HDAC5: variants seen among roughly 807,000 people sequenced by gnomAD.
HDAC5 encodes histone deacetylase 5, also known as antigen NY-CO-9.
A neutral mutation model predicts 133.3 loss-of-function variants in HDAC5; 25 were observed. The ratio of observed to expected loss-of-function variants is 0.19; its 90% CI spans 0.14 to 0.26. HDAC5 has a LOEUF of 0.26. Ranked by LOEUF, HDAC5 falls within the 10% of genes least tolerant of loss-of-function variation. The pLI is 1.00. For synonymous variants in HDAC5, 589 were observed against 610.8 expected (o/e 0.96, Z 0.53); for missense variants, 1,041 against 1,460.5 (o/e 0.71, Z 4.68).
chr17:44,111,343 A>T (rs2052331137), intron 2 of HDAC5: 2 of 327,612 alleles, frequency 6.1e-6, no homozygotes, highest in South Asian at 4.9e-5. Context: ...AGGAGGCCCC[A>T]TGGGGGGGGA....
chr17:44,118,214 G>A (rs369517671), intron 1 of HDAC5, among the ~76,000 whole-genome samples: 35 of 152,332 alleles, frequency 2.3e-4, no homozygotes, highest in African/African-American at 8.2e-4. Context: ...AAATATGGAT[G>A]TGCTTCTGTT....
At chr17:44,090,423 T>C (rs551074889) in intron 11 of HDAC5, among the ~76,000 whole-genome samples, 2 of 152,078 alleles carry the variant, frequency 1.3e-5, no homozygotes, top group South Asian at 4.2e-4. Context: ...TGCCCAGGCT[T>C]GGGTGCAATG....
intron 1 of HDAC5, among the ~76,000 whole-genome samples, chr17:44,119,624 C>G (rs2052862927): frequency 6.6e-6 from 1 of 152,230 alleles, no homozygotes; most frequent in South Asian, 2.1e-4. Flanking sequence ...GCCCTGTCCA[C>G]CTGTAAAGAG....
intron 1 of HDAC5, chr17:44,120,647 C>T (rs544784920): frequency 6.6e-6 from 1 of 151,750 alleles, no homozygotes; most frequent in Non-Finnish European, 1.5e-5. Flanking sequence ...GAGGCTGAGG[C>T]AGGAGAATCA....
At chr17:44,097,162 G>C (rs776996022) in intron 3 of HDAC5, among the ~76,000 whole-genome samples, 20 of 152,286 alleles carry the variant, frequency 1.3e-4, no homozygotes, top group Middle Eastern at 3.2e-3. Context: ...CAAGGCAGGA[G>C]CAAGGCCTGC....
In HDAC5 at chr17:44,091,259, T is replaced by A. The variant is rs1224339159; in HGVS notation, c.1387+11A>T. On this transcript the variant is annotated intron_variant, in intron 11 of 26. Coordinates refer to ENST00000682912, the MANE Select transcript of HDAC5 (RefSeq NM_005474.5). The stretch of plus-strand genomic sequence containing the variant: ...TAGCCCCCTCCCTTGCACAGCTACC[T>A]GTCCACTCACCAGCAATGAGGGTGC... The A allele has an allele frequency of 6.2e-7, 1 of 1,603,378 alleles. No homozygotes were observed. Among genetic ancestry groups the A allele is most frequent in the Non-Finnish European group, 8.5e-7 (1 of 1,174,636 alleles).
chr17:44,113,123 A>G (rs2052440723), intron 2 of HDAC5, among the ~76,000 whole-genome samples: 2 of 152,176 alleles, frequency 1.3e-5, no homozygotes. Context: ...AGGGCTGGCT[A>G]GCCCTGTCCC....
chr17:44,110,111 G>C (rs1057380339), intron 3 of HDAC5, among the ~76,000 whole-genome samples: 5 of 152,254 alleles, frequency 3.3e-5, no homozygotes, highest in African/African-American at 1.2e-4. Context: ...GACCTGGGGA[G>C]AGGAGCGCCA....
chr17:44,093,548 G>A, intron 4 of HDAC5, 27 bp downstream of exon 4: 1 of 1,598,614 alleles, frequency 6.3e-7, no homozygotes, highest in Non-Finnish European at 8.5e-7. Flanking sequence ...GGAGGTCTGG[G>A]CGGCCCCCCG....
intron 3 of HDAC5, among the ~76,000 whole-genome samples, chr17:44,109,196 G>A (rs1035452598): frequency 2.6e-5 from 4 of 152,218 alleles, no homozygotes; most frequent in Non-Finnish European, 4.4e-5. Flanking sequence ...GCCAGATGGC[G>A]TGGAGCTGTC....
chr17:44,107,948 G>GT (rs1264200697), intron 3 of HDAC5, among the ~76,000 whole-genome samples: 1 of 152,142 alleles, frequency 6.6e-6, no homozygotes, highest in African/African-American at 2.4e-5. Flanking sequence ...GCTCCACCCA[G>GT]TACAAGACAA....
At chr17:44,099,875 G>A (rs536348724) in intron 3 of HDAC5, among the ~76,000 whole-genome samples, 2 of 152,314 alleles carry the variant, frequency 1.3e-5, no homozygotes, top group Admixed American at 1.3e-4. Flanking sequence ...GCCATGGGCA[G>A]TGCACCACCT....
intron 1 of HDAC5, among the ~76,000 whole-genome samples, chr17:44,121,399 A>C: frequency 6.6e-6 from 1 of 151,702 alleles, no homozygotes; most frequent in Admixed American, 6.6e-5. Context: ...GTGCTCCAAA[A>C]ATGCCAAGAA....
intron 1 of HDAC5, among the ~76,000 whole-genome samples, chr17:44,122,004 G>A (rs755910482): frequency 1.8e-4 from 27 of 152,122 alleles, no homozygotes; most frequent in Non-Finnish European, 3.5e-4. Flanking sequence ...TTCAAGTGAA[G>A]AGAGGGCAAA....
chr17:44,101,450 A>C (rs893844405), intron 3 of HDAC5, among the ~76,000 whole-genome samples: 1 of 147,056 alleles, frequency 6.8e-6, no homozygotes, highest in Non-Finnish European at 1.5e-5. Context: ...TCCAGGAGCC[A>C]CCAGCCCCAG....
intron 3 of HDAC5, among the ~76,000 whole-genome samples, chr17:44,105,592 G>A (rs1168878493): frequency 1.3e-5 from 2 of 152,202 alleles, no homozygotes; most frequent in Non-Finnish European, 2.9e-5. Flanking sequence ...ACAGCCCTGG[G>A]TGTCCAGCAG....
intron 4 of HDAC5, 37 bp from the exon 5 acceptor site, chr17:44,093,522 G>C (rs369971207): frequency 6.3e-7 from 1 of 1,598,594 alleles, no homozygotes; most frequent in African/African-American, 1.3e-5. Context: ...AAGTGAGCCA[G>C]GCCCGGGCGG....
At chr17:44,102,313 C>T (rs778046141) in intron 3 of HDAC5, among the ~76,000 whole-genome samples, 64 of 152,216 alleles carry the variant, frequency 4.2e-4, no homozygotes, top group Non-Finnish European at 2.5e-4. Context: ...ACCCAGAGAC[C>T]TGAGTTCAAA....
At chr17:44,110,627 T>G in intron 3 of HDAC5, 102 bp downstream of exon 3, 1 of 909,852 alleles carries the variant, frequency 1.1e-6, no homozygotes, top group Non-Finnish European at 1.8e-6. Context: ...TCAAGACAGA[T>G]CTATGCAGGA....
Sources: gnomAD v4.1 joint callset for allele counts (sites outside exome capture counted in the v4.1 genomes callset) on GRCh38, gnomAD v4.1.1 for gene constraint, MANE v1.5 for transcripts, NCBI Gene and HGNC (gene_info 2026-07-23, HGNC 2026-07-21) for gene names.